Variants in WWOX observed in about 807,000 individuals in gnomAD.
WWOX encodes WW domain containing oxidoreductase, also known as WW domain-containing oxidoreductase.
Under a neutral mutation model 46.2 loss-of-function variants are expected in WWOX, and 69 were observed. The ratio of observed to expected loss-of-function variants is 1.49; its 90% confidence interval spans 1.23 to 1.82. The LOEUF (loss-of-function observed/expected upper bound fraction) is 1.82. WWOX is among the 40% of genes most tolerant of loss of function. The probability of loss-of-function intolerance (pLI) is 0.00; values close to 1 mark genes in which losing one functional copy is unlikely to be tolerated. For missense variants in WWOX, 919 were observed against 542.6 expected (o/e 1.69, Z -6.89); for synonymous variants, 359 against 202.6 (o/e 1.77, Z -6.56).
At chr16:78,420,907 G>A (rs1315480997) in intron 6 of WWOX, among the ~76,000 whole-genome samples, 1 of 151,942 alleles carries the variant, frequency 6.6e-6, no homozygotes, top group Non-Finnish European at 1.5e-5. Flanking sequence ...CTTTTCGTGG[G>A]GTATGGGGTA....
intron 8 of WWOX, among the ~76,000 whole-genome samples, chr16:78,876,920 T>G (rs1382464608): frequency 1.3e-5 from 2 of 152,160 alleles, no homozygotes; most frequent in Non-Finnish European, 2.9e-5. Flanking sequence ...ATCTTGTAAC[T>G]CTACTTAAAA....
intron 8 of WWOX, among the ~76,000 whole-genome samples, chr16:79,082,048 C>G (rs766150458): frequency 2.6e-5 from 4 of 152,164 alleles, no homozygotes; most frequent in Non-Finnish European, 5.9e-5. Context: ...CAAAATCAAT[C>G]TGATGGAGTG....
At chr16:78,625,510 CAA>C (rs2046291086) in intron 8 of WWOX, among the ~76,000 whole-genome samples, 1 of 152,044 alleles carries the variant, frequency 6.6e-6, no homozygotes, top group Non-Finnish European at 1.5e-5. Flanking sequence ...AAAGAAAAAT[CAA>C]GACTGTAGTA....
chr16:78,799,244 G>T (rs891038233), intron 8 of WWOX, among the ~76,000 whole-genome samples: 3 of 152,174 alleles, frequency 2.0e-5, no homozygotes, highest in Non-Finnish European at 4.4e-5. Flanking sequence ...TTAGGCTTGT[G>T]TCTTGCCGTC....
chr16:79,080,303 A>T (rs559067731), intron 8 of WWOX, among the ~76,000 whole-genome samples: 4 of 152,134 alleles, frequency 2.6e-5, no homozygotes, highest in Non-Finnish European at 2.9e-5. Flanking sequence ...TTCTCTGTAC[A>T]TCTGGTTCAA....
intron 8 of WWOX, among the ~76,000 whole-genome samples, chr16:78,853,531 C>T (rs1188009311): frequency 6.6e-6 from 1 of 152,300 alleles, no homozygotes; most frequent in Non-Finnish European, 1.5e-5. Flanking sequence ...TGTGCTAAAA[C>T]CCCCTCACTG....
chr16:79,019,504 G>A (rs1467899780), intron 8 of WWOX, among the ~76,000 whole-genome samples: 2 of 151,972 alleles, frequency 1.3e-5, no homozygotes, highest in Non-Finnish European at 2.9e-5. Context: ...CTTTGGGACA[G>A]CCATCATATA....
intron 8 of WWOX, among the ~76,000 whole-genome samples, chr16:78,469,533 C>T (rs2084170533): frequency 6.6e-6 from 1 of 152,122 alleles, no homozygotes; most frequent in South Asian, 2.1e-4. Context: ...TAGACATTCC[C>T]TGGAAGCATG....
intron 5 of WWOX, among the ~76,000 whole-genome samples, chr16:78,260,674 AAAATTAGTTAT>A (rs1225182030): frequency 6.7e-6 from 1 of 149,706 alleles, no homozygotes; most frequent in Non-Finnish European, 1.5e-5. Context: ...TCTAAAAAAA[AAAATTAGTTAT>A]CTCTGCCCTT....
intron 8 of WWOX, among the ~76,000 whole-genome samples, chr16:78,454,564 G>C (rs531643242): frequency 6.6e-6 from 1 of 152,112 alleles, no homozygotes; most frequent in African/African-American, 2.4e-5. Context: ...GCAGTGCAAT[G>C]GCACGATCTC....
chr16:79,052,800 C>T lies in WWOX; in HGVS notation c.1057-158808C>T, dbSNP rs561916524. On this transcript the variant is annotated intron_variant, in intron 8 of 8. Transcript: ENST00000566780. ...TTGCTGAGGAAATTAAATTCCTGTT[C>T]GAGTGCTATTTCTTTATGGCACTGA... Among the ~76,000 whole-genome samples the T allele has an allele frequency of 3.3e-5, 5 of 152,254 alleles. No individual in the cohort carries two copies. The South Asian group carries it at 8.3e-4, about 25-fold the overall frequency.
At chr16:78,375,348 C>T (rs143992128) in intron 5 of WWOX, among the ~76,000 whole-genome samples, 1 of 152,312 alleles carries the variant, frequency 6.6e-6, no homozygotes, top group Admixed American at 6.5e-5. Context: ...TTCCAAATGG[C>T]TTATGGTAAG....
chr16:78,961,521 G>T (rs187838750), intron 8 of WWOX, among the ~76,000 whole-genome samples: 37 of 152,096 alleles, frequency 2.4e-4, no homozygotes, highest in African/African-American at 8.7e-4. Flanking sequence ...GGAATGGTGG[G>T]TGGTAGGTGG....
At chr16:78,833,427 TCC>T (rs1491039340) in intron 8 of WWOX, among the ~76,000 whole-genome samples, 5 of 30,572 alleles carry the variant, frequency 1.6e-4, no homozygotes, top group Non-Finnish European at 5.1e-4. Context: ...AGCCATCTCC[TCC>T]TCCTCCTCCT....
chr16:78,666,150 G>C (rs538849268), intron 8 of WWOX, among the ~76,000 whole-genome samples: 17 of 152,192 alleles, frequency 1.1e-4, no homozygotes, highest in Middle Eastern at 3.4e-3. Flanking sequence ...AGCCGAGTGT[G>C]GTGGTGTGCC....
chr16:79,168,526 C>T (rs930676130), intron 8 of WWOX, among the ~76,000 whole-genome samples: 6 of 152,180 alleles, frequency 3.9e-5, no homozygotes, highest in Non-Finnish European at 7.4e-5. Context: ...ATTTCAGTCT[C>T]TCCCCGCCTC....
At chr16:78,408,081 TAGG>T (rs2082591638) in intron 6 of WWOX, among the ~76,000 whole-genome samples, 1 of 152,128 alleles carries the variant, frequency 6.6e-6, no homozygotes, top group African/African-American at 2.4e-5. Flanking sequence ...CCTAGGTAGA[TAGG>T]AGCCGGTCCC....
At chr16:78,467,322 T>TAC in intron 8 of WWOX, among the ~76,000 whole-genome samples, 1 of 152,306 alleles carries the variant, frequency 6.6e-6, no homozygotes, top group South Asian at 2.1e-4. Flanking sequence ...AGTCTATATA[T>TAC]ACATGTATGC....
intron 8 of WWOX, among the ~76,000 whole-genome samples, chr16:78,863,456 A>T (rs1195125045): frequency 6.6e-6 from 1 of 152,134 alleles, no homozygotes; most frequent in Non-Finnish European, 1.5e-5. Context: ...ACCTGGGAAG[A>T]GGGTACTTGT....
Sources: gnomAD v4.1 joint callset for allele counts (sites outside exome capture counted in the v4.1 genomes callset) on GRCh38, gnomAD v4.1.1 for gene constraint, MANE v1.5 for transcripts, NCBI Gene and HGNC (gene_info 2026-07-23, HGNC 2026-07-21) for gene names.